Variants in MEF2A observed in about 807,000 individuals in gnomAD.
MEF2A encodes the protein myocyte enhancer factor 2A, also known as myocyte-specific enhancer factor 2A.
In MEF2A, 28 loss-of-function variants were observed where a neutral mutation model predicts 55.8. The observed-to-expected ratio is 0.50, with a 90% CI of 0.37 to 0.69. The LOEUF (loss-of-function observed/expected upper bound fraction) is 0.69, where lower values mean the gene tolerates loss of function less well. Ranked by LOEUF, MEF2A falls within the 30% of genes least tolerant of loss-of-function variation. The probability of loss-of-function intolerance (pLI) is 0.00; values close to 1 mark genes in which losing one functional copy is unlikely to be tolerated. For synonymous variants in MEF2A, 239 were observed against 227.1 expected (o/e 1.05, Z -0.47); for missense variants, 528 against 626.2 (o/e 0.84, Z 1.67).
intron 2 of MEF2A, among the ~76,000 whole-genome samples, chr15:99,612,895 C>T (rs1238410441): frequency 6.7e-6 from 1 of 149,626 alleles, no homozygotes; most frequent in Non-Finnish European, 1.5e-5. Flanking sequence ...AAATTCTTCT[C>T]ATATTCTTCT....
At chr15:99,615,693 A>G (rs1296188288) in intron 2 of MEF2A, among the ~76,000 whole-genome samples, 1 of 152,198 alleles carries the variant, frequency 6.6e-6, no homozygotes, top group African/African-American at 2.4e-5. Flanking sequence ...CATGTTAACC[A>G]CTACCGTATG....
chr15:99,637,744 G>A (rs1019357633), intron 3 of MEF2A, among the ~76,000 whole-genome samples: 1 of 152,076 alleles, frequency 6.6e-6, no homozygotes, highest in Non-Finnish European at 1.5e-5. Context: ...CCGGGTTCGT[G>A]CCATTCTTCT....
chr15:99,633,053 T>C lies in MEF2A; in HGVS notation c.-67T>C. 7.7e-7 allele frequency: 1 copy of C among 1,303,638 alleles called. No homozygotes were observed. Among genetic ancestry groups the C allele is most frequent in the Non-Finnish European group, 1.1e-6 (1 of 923,622 alleles). 80.8% of individuals were successfully genotyped at this position (1,303,638 alleles called of 1,614,324 possible). ...AGAAGCTGTGTACGATGCATTAGGG[T>C]ATTGAAGAAAATTAACTTTTGAATT... On this transcript the variant is annotated 5_prime_UTR_variant, in exon 3 of 12. Transcript: ENST00000557942.
chr15:99,590,671 CGTAG>C (rs2152959780), intron 1 of MEF2A, among the ~76,000 whole-genome samples: 1 of 151,182 alleles, frequency 6.6e-6, no homozygotes, highest in Admixed American at 6.6e-5. Context: ...TGGTAGTTGC[CGTAG>C]GGTTTTACAA....
chr15:99,670,284 C>A (rs2050604224), intron 4 of MEF2A, among the ~76,000 whole-genome samples: 1 of 152,026 alleles, frequency 6.6e-6, no homozygotes, highest in African/African-American at 2.4e-5. Flanking sequence ...TCAGTATAAT[C>A]CAGGAGATAT....
intron 3 of MEF2A, among the ~76,000 whole-genome samples, chr15:99,641,454 T>G (rs1226916797): frequency 6.6e-6 from 1 of 152,144 alleles, no homozygotes; most frequent in Non-Finnish European, 1.5e-5. Flanking sequence ...CCGGGCGCGT[T>G]GGCTCACACC....
chr15:99,710,971 A>T (rs1361113037), intron 11 of MEF2A, among the ~76,000 whole-genome samples: 1 of 152,146 alleles, frequency 6.6e-6, no homozygotes, highest in African/African-American at 2.4e-5. Context: ...CCTTGAAGGG[A>T]TTTGGGGAGC....
At chr15:99,618,875 C>T (rs1172197180) in intron 2 of MEF2A, among the ~76,000 whole-genome samples, 2 of 152,066 alleles carry the variant, frequency 1.3e-5, no homozygotes. Flanking sequence ...AACAGTTTTT[C>T]TAAATGGTTG....
intron 8 of MEF2A, among the ~76,000 whole-genome samples, chr15:99,701,401 A>C (rs955331353): frequency 2.0e-5 from 3 of 152,222 alleles, no homozygotes; most frequent in African/African-American, 7.2e-5. Context: ...AAGGTCATGC[A>C]AAACAAGTTG....
rs144703024 is a variant in MEF2A, at chr15:99,594,543, A to G, written c.-224-3887A>G. ...TCATTGACCGTTGGTAATCAACTCAACCTTCAGTCTCTCTCCCCTCCCCAG... is the reference window on the plus strand; with the variant it reads ...TCATTGACCGTTGGTAATCAACTCAGCCTTCAGTCTCTCTCCCCTCCCCAG... On this transcript the variant is annotated intron_variant, in intron 1 of 11. Coordinates refer to ENST00000557942, the MANE Select transcript of MEF2A (RefSeq NM_001319206.4). Among the ~76,000 whole-genome samples, 483 of 149,458 alleles carry G rather than the reference A, an allele frequency of 3.2e-3. 2 individuals are homozygous for G. The highest frequency in any genetic ancestry group is 0.011 in the African/African-American group (448 of 40,014).
At chr15:99,633,309 TAACA>T (rs949804143) in intron 3 of MEF2A, 136 bp downstream of exon 3, 5 of 554,814 alleles carry the variant, frequency 9.0e-6, no homozygotes, top group African/African-American at 8.0e-5. Context: ...TGAAAAATTC[TAACA>T]ATCATAAAAT....
chr15:99,597,478 A>G (rs1444320060), intron 1 of MEF2A, among the ~76,000 whole-genome samples: 1 of 151,894 alleles, frequency 6.6e-6, no homozygotes, highest in Non-Finnish European at 1.5e-5. Context: ...CCGAAACTTC[A>G]TTAGCAATTT....
intron 1 of MEF2A, among the ~76,000 whole-genome samples, chr15:99,595,623 A>G (rs1043631101): frequency 6.6e-6 from 1 of 152,250 alleles, no homozygotes; most frequent in Non-Finnish European, 1.5e-5. Context: ...AGAACAAAGT[A>G]CAAAGTTCCT....
At position 99,713,162 on chromosome 15, in the gene MEF2A, T is replaced by A. The variant is rs1364742068; in HGVS notation, c.*391T>A. The A allele has an allele frequency of 2.4e-6, 1 of 422,408 alleles. No homozygotes were observed. The highest frequency in any genetic ancestry group is 2.0e-5 in the African/African-American group (1 of 49,394). 26.2% of individuals were successfully genotyped at this position (422,408 alleles called of 1,614,324 possible). A position where few individuals can be genotyped will look rare whatever the true frequency, so the allele number is the denominator to read the frequency against. On this transcript the variant is annotated 3_prime_UTR_variant, in exon 12 of 12. Transcript: ENST00000557942. ...GGGCCCCCTACTTGTTTTATTTAAC[T>A]GTGCAGTGACTGTAGTTACTTAAGA...
At chr15:99,694,902 T>C (rs897503056) in intron 8 of MEF2A, among the ~76,000 whole-genome samples, 1 of 152,210 alleles carries the variant, frequency 6.6e-6, no homozygotes, top group Non-Finnish European at 1.5e-5. Context: ...CACGTTTTTC[T>C]GTTGCTTTGT....
chr15:99,667,479 T>C lies in MEF2A; in HGVS notation c.259-3844T>C, dbSNP rs531503235. Among the ~76,000 whole-genome samples, 257 of 152,228 alleles carry C rather than the reference T, an allele frequency of 1.7e-3. 2 individuals carry two copies. Among genetic ancestry groups the C allele is most frequent in the African/African-American group, 6.0e-3 (250 of 41,552 alleles). On this transcript the variant is annotated intron_variant, in intron 4 of 11. Coordinates refer to ENST00000557942, the MANE Select transcript of MEF2A (RefSeq NM_001319206.4). Reference sequence around the variant, plus strand: ...ACCTCGTGATCCGCCCGCCTCGGCCTCCCAAAGTGCTGGGATTACAGGCGT... The same window carrying C: ...ACCTCGTGATCCGCCCGCCTCGGCCCCCCAAAGTGCTGGGATTACAGGCGT...
chr15:99,674,936 A>C (rs894867852), intron 6 of MEF2A, among the ~76,000 whole-genome samples: 1 of 152,184 alleles, frequency 6.6e-6, no homozygotes, highest in African/African-American at 2.4e-5. Context: ...CATGTTAGAA[A>C]TATGGGTGAT....
intron 4 of MEF2A, among the ~76,000 whole-genome samples, chr15:99,670,182 A>G (rs895920069): frequency 6.6e-6 from 1 of 152,234 alleles, no homozygotes; most frequent in Non-Finnish European, 1.5e-5. Context: ...TTATCCTTTT[A>G]AGTACTGGAC....
intron 4 of MEF2A, among the ~76,000 whole-genome samples, chr15:99,659,849 A>T (rs1015073358): frequency 6.6e-6 from 1 of 152,210 alleles, no homozygotes; most frequent in Non-Finnish European, 1.5e-5. Context: ...GATTCATTGG[A>T]CAGATTTCAA....
Sources: allele counts gnomAD v4.1 joint callset (sites outside exome capture counted in the v4.1 genomes callset), GRCh38; gene constraint gnomAD v4.1.1; transcripts MANE v1.5; gene names NCBI Gene and HGNC (gene_info 2026-07-23, HGNC 2026-07-21).